FRMPD2: variants seen among roughly 807,000 people sequenced by gnomAD.
FRMPD2 encodes FERM and PDZ domain-containing protein 2.
Under a neutral mutation model 140.1 loss-of-function variants are expected in FRMPD2, and 96 were observed. That is an observed-to-expected ratio of 0.69 (90% CI 0.58 to 0.81). The LOEUF is 0.81. Among genes scored for constraint, FRMPD2 ranks in the 40% least tolerant of loss-of-function variants. FRMPD2 has a pLI of 0.00. For synonymous variants in FRMPD2, 449 were observed against 547.6 expected, an observed-to-expected ratio of 0.82 and a Z score of 2.52; for missense variants, 1,240 against 1,447.4, an observed-to-expected ratio of 0.86 and a Z score of 2.32.
intron 13 of FRMPD2, among the ~76,000 whole-genome samples, chr10:48,208,962 A>T (rs987211539): frequency 6.6e-6 from 1 of 152,182 alleles, no homozygotes; most frequent in African/African-American, 2.4e-5. Flanking sequence ...ATCTTCTCTG[A>T]CCTTATAACT....
intron 12 of FRMPD2, among the ~76,000 whole-genome samples, chr10:48,219,935 C>T (rs1839542704): frequency 6.6e-6 from 1 of 152,128 alleles, no homozygotes; most frequent in Non-Finnish European, 1.5e-5. Flanking sequence ...CAAATTTAGA[C>T]TTTACAATGT....
chr10:48,179,423 C>T (rs1399266160), intron 21 of FRMPD2, among the ~76,000 whole-genome samples: 1 of 150,708 alleles, frequency 6.6e-6, no homozygotes, highest in Non-Finnish European at 1.5e-5. Flanking sequence ...TGGGAAGACA[C>T]AGGGACTGAG....
chr10:48,254,967 G>A (rs1191195072), intron 1 of FRMPD2, among the ~76,000 whole-genome samples: 3 of 152,216 alleles, frequency 2.0e-5, no homozygotes, highest in Non-Finnish European at 4.4e-5. Context: ...TCATGGTCTG[G>A]TGGGCTGTAT....
At position 48,172,487 on chromosome 10, in the gene FRMPD2, C is replaced by T. The variant is rs1039433; in HGVS notation, c.3223+459G>A. On this transcript the variant is annotated intron_variant, in intron 25 of 28. Transcript: ENST00000374201. ...AAACGTGCAGTTTTGTCCCTCTAAA[C>T]GATCTTTCGTTTGCCTTTTAAAATG... Among the ~76,000 whole-genome samples the T allele has an allele frequency of 2.4e-4, 36 of 152,264 alleles. No homozygotes were observed. In the Middle Eastern group the frequency reaches 0.017, roughly 72 times the overall value.
At chr10:48,252,914 G>A (rs115722304) in intron 1 of FRMPD2, among the ~76,000 whole-genome samples, 1,495 of 138,966 alleles carry the variant, frequency 0.011, 27 homozygotes, top group African/African-American at 0.038. Flanking sequence ...CTTTTCTTTC[G>A]TTTTTTTATC....
chr10:48,200,383 C>T (rs1233882732), intron 15 of FRMPD2, among the ~76,000 whole-genome samples: 1 of 152,108 alleles, frequency 6.6e-6, no homozygotes, highest in Non-Finnish European at 1.5e-5. Context: ...CCGCATCAAC[C>T]AATCTGAACT....
intron 22 of FRMPD2, chr10:48,177,841 T>C (rs1218058610): frequency 1.1e-5 from 5 of 445,426 alleles, no homozygotes; most frequent in South Asian, 2.5e-5. Flanking sequence ...CCCTAGTGCA[T>C]GCCCTGCTCA....
At chr10:48,239,538 G>C in intron 7 of FRMPD2, 67 bp downstream of exon 7, 1 of 1,106,514 alleles carries the variant, frequency 9.0e-7, no homozygotes, top group Non-Finnish European at 1.3e-6. Context: ...AAAGAAATAA[G>C]GTACCATAGC....
At chr10:48,184,744 C>T (rs1035830160) in intron 19 of FRMPD2, 30 bp downstream of exon 19, 1 of 1,598,332 alleles carries the variant, frequency 6.3e-7, no homozygotes, top group Admixed American at 1.7e-5. Flanking sequence ...TTTCTTAAAA[C>T]AGCATCTCTA....
At chr10:48,212,524 G>C (rs2131884998) in intron 12 of FRMPD2, among the ~76,000 whole-genome samples, 1 of 152,140 alleles carries the variant, frequency 6.6e-6, no homozygotes. Flanking sequence ...TTTCCACGAT[G>C]CCACACCTTA....
intron 10 of FRMPD2, among the ~76,000 whole-genome samples, chr10:48,230,891 T>C (rs192883681): frequency 6.6e-6 from 1 of 152,292 alleles, no homozygotes; most frequent in African/African-American, 2.4e-5. Flanking sequence ...GCAGGCTACA[T>C]AGAGAGTTCA....
In FRMPD2 at chr10:48,240,229, CT is replaced by C. The variant is rs1409382986; in HGVS notation, c.700+130del. ...AAGCTCAGCCCCTTCTCTTCAGGGG[CT>C]TCCTGAAAGAGTGGCACTTACATAG... On this transcript the variant is annotated intron_variant, in intron 6 of 28. Coordinates refer to ENST00000374201, the MANE Select transcript of FRMPD2 (RefSeq NM_001018071.4). The C allele has an allele frequency of 9.9e-5, 99 of 999,256 alleles. No homozygotes were observed. The Middle Eastern group carries it at 1.6e-3, about 16-fold the overall frequency. The allele number at this position is 999,256 out of a possible 1,614,324, so 61.9% of individuals were successfully genotyped here. A position where few individuals can be genotyped will look rare whatever the true frequency, so the allele number is the denominator to read the frequency against.
At chr10:48,225,818 T>A (rs1457100368) in intron 10 of FRMPD2, among the ~76,000 whole-genome samples, 1 of 152,178 alleles carries the variant, frequency 6.6e-6, no homozygotes, top group Non-Finnish European at 1.5e-5. Context: ...CCAGGAATCA[T>A]CTTTCTGCTG....
chr10:48,212,230 C>T lies in FRMPD2; in HGVS notation c.1456-121G>A, dbSNP rs112828888. 2,050 of 921,938 alleles carry T rather than the reference C, an allele frequency of 2.2e-3. 57 individuals carry two copies. The Admixed American group carries it at 0.041, about 19-fold the overall frequency. The allele number at this position is 921,938 out of a possible 1,614,324, so 57.1% of individuals were successfully genotyped here. A position where few individuals can be genotyped will look rare whatever the true frequency, so the allele number is the denominator to read the frequency against. The stretch of plus-strand genomic sequence containing the variant: ...AGGGCGCCAGAGAAAGACACTTCCT[C>T]GAGGTGCCCACCTGGGATATTATTT... On this transcript the variant is annotated intron_variant, in intron 12 of 28. Coordinates refer to ENST00000374201, the MANE Select transcript of FRMPD2 (RefSeq NM_001018071.4).
At chr10:48,208,776 C>T (rs1000179280) in intron 13 of FRMPD2, among the ~76,000 whole-genome samples, 3 of 152,132 alleles carry the variant, frequency 2.0e-5, no homozygotes, top group African/African-American at 4.8e-5. Flanking sequence ...GGGTCATTTC[C>T]TCTCCATGTG....
At chr10:48,236,111 T>C (rs1440760478) in intron 9 of FRMPD2, among the ~76,000 whole-genome samples, 1 of 152,076 alleles carries the variant, frequency 6.6e-6, no homozygotes. Flanking sequence ...TTCTTTTATA[T>C]TTATGTCTTT....
At chr10:48,219,522 G>T (rs543223375) in intron 12 of FRMPD2, among the ~76,000 whole-genome samples, 1 of 152,268 alleles carries the variant, frequency 6.6e-6, no homozygotes, top group Non-Finnish European at 1.5e-5. Flanking sequence ...CTCGGTCTCT[G>T]TTGAGGTCTG....
At chr10:48,185,043 CCA>C (rs1838646002) in intron 18 of FRMPD2, among the ~76,000 whole-genome samples, 162 bp from the exon 19 acceptor site, 1 of 152,168 alleles carries the variant, frequency 6.6e-6, no homozygotes, top group Admixed American at 6.5e-5. Flanking sequence ...TTCTACTTTA[CCA>C]TGATACTTGG....
chr10:48,186,190 G>A (rs893127394), intron 17 of FRMPD2, among the ~76,000 whole-genome samples: 1 of 152,210 alleles, frequency 6.6e-6, no homozygotes, highest in Non-Finnish European at 1.5e-5. Flanking sequence ...CTGGAGAGCT[G>A]GAGTCCTGGA....
Sources: gnomAD v4.1 joint callset for allele counts (sites outside exome capture counted in the v4.1 genomes callset) on GRCh38, gnomAD v4.1.1 for gene constraint, MANE v1.5 for transcripts, NCBI Gene and HGNC (gene_info 2026-07-23, HGNC 2026-07-21) for gene names.